OSCP1: variants seen among roughly 807,000 people sequenced by gnomAD.
OSCP1 encodes the protein protein OSCP1.
OSCP1 carries 35 observed loss-of-function variants against 45.1 expected under a neutral mutation model. The ratio of observed to expected loss-of-function variants is 0.78; its 90% CI spans 0.59 to 1.03. OSCP1 has a LOEUF of 1.03. Ranked by LOEUF, OSCP1 falls within the 50% of genes least tolerant of loss-of-function variation. OSCP1 has a pLI of 0.00. For missense variants in OSCP1, 400 were observed against 470.7 expected, an observed-to-expected ratio of 0.85 and a Z score of 1.39; for synonymous variants, 179 against 180.1, an observed-to-expected ratio of 0.99 and a Z score of 0.05.
chr1:36,439,676 T>C (rs899278694), intron 1 of OSCP1, among the ~76,000 whole-genome samples: 11 of 152,238 alleles, frequency 7.2e-5, no homozygotes, highest in Non-Finnish European at 1.6e-4. Flanking sequence ...AAAACACTTG[T>C]AATGTTGCTA....
At chr1:36,418,355 G>A in intron 9 of OSCP1, 100 bp from the exon 10 acceptor site, 2 of 931,768 alleles carry the variant, frequency 2.1e-6, no homozygotes, top group South Asian at 2.9e-5. Flanking sequence ...TGACTGATAT[G>A]TTTCAGTTGC....
At chr1:36,445,777 C>A (rs553521302) in intron 1 of OSCP1, among the ~76,000 whole-genome samples, 1 of 151,728 alleles carries the variant, frequency 6.6e-6, no homozygotes, top group African/African-American at 2.4e-5. Flanking sequence ...TGCAATGGTG[C>A]GATCTCGGCT....
chr1:36,432,075 G>A (rs1648402229), intron 3 of OSCP1, among the ~76,000 whole-genome samples, 193 bp from the exon 4 acceptor site: 1 of 152,078 alleles, frequency 6.6e-6, no homozygotes, highest in Admixed American at 6.6e-5. Context: ...CCCCACACCT[G>A]AGCAGGGGTA....
At chr1:36,429,070 C>T (rs944710046) in intron 4 of OSCP1, among the ~76,000 whole-genome samples, 1 of 152,018 alleles carries the variant, frequency 6.6e-6, no homozygotes, top group Non-Finnish European at 1.5e-5. Context: ...CCACTGTGGC[C>T]AGCTCTGGAG....
At chr1:36,445,724 T>C (rs1649480265) in intron 1 of OSCP1, among the ~76,000 whole-genome samples, 1 of 152,184 alleles carries the variant, frequency 6.6e-6, no homozygotes, top group African/African-American at 2.4e-5. Flanking sequence ...TATTTATTTA[T>C]TTATTTTTGA....
At chr1:36,431,094 C>T (rs1648336602) in intron 4 of OSCP1, among the ~76,000 whole-genome samples, 1 of 152,154 alleles carries the variant, frequency 6.6e-6, no homozygotes, top group African/African-American at 2.4e-5. Flanking sequence ...AGCACCTGAA[C>T]TGTGGAGATT....
chr1:36,433,940 C>T (rs1386517023), intron 2 of OSCP1, among the ~76,000 whole-genome samples: 6 of 152,060 alleles, frequency 3.9e-5, no homozygotes, highest in Admixed American at 1.3e-4. Context: ...ATAGTGGGAA[C>T]GGAGAAGTCA....
chr1:36,418,313 TTTGTGCAC>T, intron 9 of OSCP1, 58 bp from the exon 10 acceptor site: 1 of 1,506,234 alleles, frequency 6.6e-7, no homozygotes, highest in Non-Finnish European at 9.2e-7. Context: ...AGGCCGCCTC[TTTGTGCAC>T]TAGGCACTTA....
In OSCP1 at chr1:36,427,375, G is replaced by A. The variant is rs545629862; in HGVS notation, c.517-3909C>T. Reference sequence around the variant, plus strand: ...ACAGTGAACATGATCATAGCTTACTGCAGCCTTGAAATCCTAGGCTCAAGG... The same window carrying A: ...ACAGTGAACATGATCATAGCTTACTACAGCCTTGAAATCCTAGGCTCAAGG... On this transcript the variant is annotated intron_variant, in intron 4 of 9. Coordinates refer to ENST00000235532, the MANE Select transcript of OSCP1 (RefSeq NM_145047.5). Among the ~76,000 whole-genome samples, 8 of 143,438 alleles carry A rather than the reference G, an allele frequency of 5.6e-5. No individual in the cohort carries two copies. The East Asian group carries it at 1.7e-3, about 31-fold the overall frequency. The allele number at this position is 143,438 out of a possible 152,430, so 94.1% of individuals were successfully genotyped here.
intron 1 of OSCP1, among the ~76,000 whole-genome samples, chr1:36,446,886 C>T (rs1251698615): frequency 6.6e-6 from 1 of 152,180 alleles, no homozygotes; most frequent in African/African-American, 2.4e-5. Context: ...TTATTATTCT[C>T]GCCATTGCTT....
At chr1:36,440,153 C>T (rs1649033272) in intron 1 of OSCP1, among the ~76,000 whole-genome samples, 1 of 152,198 alleles carries the variant, frequency 6.6e-6, no homozygotes, top group African/African-American at 2.4e-5. Flanking sequence ...ACAAAGGACA[C>T]TCCAGATGAC....
At position 36,424,621 on chromosome 1, in the gene OSCP1, C is replaced by T. The variant is rs77835611; in HGVS notation, c.517-1155G>A. Among the ~76,000 whole-genome samples, 810 of 152,242 alleles carry T rather than the reference C, an allele frequency of 5.3e-3. 4 individuals carry two copies. The highest frequency in any genetic ancestry group is 0.019 in the African/African-American group (782 of 41,530). ...TGCTGGACTAGAAAGAAGGATGGGG[C>T]TGGGGCAGGGGGATCCAGCTGACAT... On this transcript the variant is annotated intron_variant, in intron 4 of 9. Coordinates refer to ENST00000235532, the MANE Select transcript of OSCP1 (RefSeq NM_145047.5).
chr1:36,425,999 A>G (rs1647941121), intron 4 of OSCP1, among the ~76,000 whole-genome samples: 2 of 152,212 alleles, frequency 1.3e-5, no homozygotes, highest in South Asian at 4.1e-4. Flanking sequence ...GTGTAGAGAC[A>G]CTTCAGAGAT....
At chr1:36,429,535 A>ATTTTTTTTTTTTTTTTTTTTTTTTTTTTT (rs200043573) in intron 4 of OSCP1, among the ~76,000 whole-genome samples, 1 of 100,320 alleles carries the variant, frequency 1.0e-5, no homozygotes, top group African/African-American at 4.2e-5. Flanking sequence ...GAAGCTTAGA[A>ATTTTTTTTTTTTTTTTTTTTTTTTTTTTT]TTTTTTTTTT....
At chr1:36,419,959 C>G (rs989224546) in intron 8 of OSCP1, among the ~76,000 whole-genome samples, 1 of 151,196 alleles carries the variant, frequency 6.6e-6, no homozygotes, top group Non-Finnish European at 1.5e-5. Context: ...ACTACAGGTG[C>G]GCACCATCAC....
intron 2 of OSCP1, among the ~76,000 whole-genome samples, chr1:36,437,838 G>T (rs181284471): frequency 2.0e-5 from 3 of 152,218 alleles, no homozygotes; most frequent in Admixed American, 6.5e-5. Flanking sequence ...CTTTTATTGT[G>T]TTAAGGCATG....
At chr1:36,441,772 A>AAG in intron 1 of OSCP1, among the ~76,000 whole-genome samples, 2 of 149,806 alleles carry the variant, frequency 1.3e-5, no homozygotes, top group South Asian at 2.1e-4. Flanking sequence ...AAAAAAAAAA[A>AAG]GTAATTTGTT....
At position 36,427,299 on chromosome 1, in the gene OSCP1, C is replaced by CTTTTTTTTTTTTTTT. The variant is rs71053929; in HGVS notation, c.517-3848_517-3834dup. 3.7e-4 allele frequency among the ~76,000 whole-genome samples: 36 copies of CTTTTTTTTTTTTTTT among 96,300 alleles called. 6 individuals carry two copies. The highest frequency in any genetic ancestry group is 1.4e-3 in the African/African-American group (30 of 20,820). The allele number at this position is 96,300 out of a possible 152,430, so 63.2% of individuals were successfully genotyped here. ...ACAGGCGTGAGCCATGGCGCCTGGC[C>CTTTTTTTTTTTTTTT]TTTTTTTTTTTTTTTGACACAGAGT... On this transcript the variant is annotated intron_variant, in intron 4 of 9. Transcript: ENST00000235532.
intron 9 of OSCP1, chr1:36,418,470 C>A: frequency 1.7e-6 from 1 of 593,240 alleles, no homozygotes. Context: ...CCAAGCATCC[C>A]TGGCTGCTAC....
Sources: gnomAD v4.1 joint callset for allele counts (sites outside exome capture counted in the v4.1 genomes callset) on GRCh38, gnomAD v4.1.1 for gene constraint, MANE v1.5 for transcripts, NCBI Gene and HGNC (gene_info 2026-07-23, HGNC 2026-07-21) for gene names.